FCGR3B: variants seen among roughly 807,000 people sequenced by gnomAD.
FCGR3B encodes the protein low affinity immunoglobulin gamma Fc region receptor III-B.
A neutral mutation model predicts 26.7 loss-of-function variants in FCGR3B; 20 were observed. The observed-to-expected ratio is 0.75, with a 90% CI of 0.53 to 1.09. The LOEUF (loss-of-function observed/expected upper bound fraction) is 1.09. FCGR3B is among the 50% of genes least tolerant of loss of function. FCGR3B has a pLI of 0.00. For missense variants in FCGR3B, 191 were observed against 279.7 expected (o/e 0.68, Z 2.26); for synonymous variants, 79 against 107.0 (o/e 0.74, Z 1.62).
Position 161,629,026 on chromosome 1 carries a change from A to G in FCGR3B, c.319+752T>C, listed in dbSNP as rs1259858338. Among the ~76,000 whole-genome samples the G allele has an allele frequency of 9.2e-5, 11 of 119,284 alleles. 4 individuals carry two copies. The highest frequency in any genetic ancestry group is 2.8e-4 in the African/African-American group (9 of 32,584). 78.3% of individuals were successfully genotyped at this position (119,284 alleles called of 152,430 possible). A position where few individuals can be genotyped will look rare whatever the true frequency, so the allele number is the denominator to read the frequency against. On this transcript the variant is annotated intron_variant, in intron 3 of 4. Coordinates refer to ENST00000650385, the MANE Select transcript of FCGR3B (RefSeq NM_001244753.2). ...ATAGCATTGATGAGGAGACAGAAAG[A>G]TATGATTCTAGGCCACTAGGATTGC...
At chr1:161,631,263 C>A (rs529061019), upstream of FCGR3B, 2 of 1,475,216 alleles carry the variant, frequency 1.4e-6, no homozygotes, top group African/African-American at 2.9e-5. Flanking sequence ...TCTGAAGTCT[C>A]GCAATGGAGC....
Position 161,624,441 on chromosome 1 carries a change from T to A in FCGR3B, c.*74A>T, listed in dbSNP as rs1166429379. ...GCTGCCACTGCTCTTATTACCCCCA[T>A]GGGATGGGGGTCATGTGTCTTGAGG... On this transcript the variant is annotated 3_prime_UTR_variant, in exon 5 of 5. Coordinates refer to ENST00000650385, the MANE Select transcript of FCGR3B (RefSeq NM_001244753.2). 40 of 1,517,982 alleles carry A rather than the reference T, an allele frequency of 2.6e-5. 1 individual carries two copies. The allele number at this position is 1,517,982 out of a possible 1,614,324, so 94.0% of individuals were successfully genotyped here.
Position 161,623,248 on chromosome 1 carries a change from A to G in FCGR3B, c.*1267T>C, listed in dbSNP as rs1170996093. The G allele has an allele frequency of 6.7e-6, 1 of 150,218 alleles. No homozygotes were observed. The highest frequency in any genetic ancestry group is 1.5e-5 in the Non-Finnish European group (1 of 67,690). 9.3% of individuals were successfully genotyped at this position (150,218 alleles called of 1,614,324 possible). A position where few individuals can be genotyped will look rare whatever the true frequency, so the allele number is the denominator to read the frequency against. On this transcript the variant is annotated 3_prime_UTR_variant, in exon 5 of 5. Transcript: ENST00000650385. The stretch of plus-strand genomic sequence containing the variant: ...GTTTTGCCATCTTCTATCTAAGAGT[A>G]GCATGCAAGATCTTGTAAAATGCTT...
rs149686267 is a variant in FCGR3B, at chr1:161,630,319, C to A, written c.61+49G>T. 3 of 1,564,420 alleles carry A rather than the reference C, an allele frequency of 1.9e-6. 1 individual carries two copies. The South Asian group carries it at 3.4e-5, about 18-fold the overall frequency. Reference sequence around the variant, plus strand: ...TTTCCCAATATCTTATGGCCATTGTCCCCATATGTGCCCCACTGGGTCAAT... The same window carrying A: ...TTTCCCAATATCTTATGGCCATTGTACCCATATGTGCCCCACTGGGTCAAT... On this transcript the variant is annotated intron_variant, in intron 2 of 4. Transcript: ENST00000650385.
Position 161,626,164 on chromosome 1 carries a change from C to T in FCGR3B, c.558G>A (p.Val186=). 1 of 1,609,544 alleles carries T rather than the reference C, an allele frequency of 6.2e-7. No homozygotes were observed. Among genetic ancestry groups the T allele is most frequent in the Non-Finnish European group, 8.5e-7 (1 of 1,178,310 alleles). Residue 186 remains valine, a synonymous_variant, in exon 4 of 5, where the codon GTG becomes GTA. Coordinates refer to ENST00000650385, the MANE Select transcript of FCGR3B (RefSeq NM_001244753.2). ...TCTCACCTTGAGTGATGGTGATGTTCACAGTCTCTGAAGACACATTTTTAC... is the reference window on the plus strand; with the variant it reads ...TCTCACCTTGAGTGATGGTGATGTTTACAGTCTCTGAAGACACATTTTTAC... ...VGSKNVSSET[V]NITITQGLAV... is the part of the protein sequence containing the mutation.
chr1:161,630,679 T>G (rs61803023), intron 1 of FCGR3B: 1 of 528,742 alleles, frequency 1.9e-6, no homozygotes, highest in Non-Finnish European at 3.4e-6. Flanking sequence ...TGAACCAAGC[T>G]ACAGAAAGAG....
chr1:161,630,852 C>G (rs1468272871), intron 1 of FCGR3B: 4 of 1,287,008 alleles, frequency 3.1e-6, no homozygotes, highest in Non-Finnish European at 4.1e-6. Flanking sequence ...ACTGGCCTCA[C>G]TCATGACTAT....
rs777657111 is a variant in FCGR3B, at chr1:161,630,344, T to C, written c.61+24A>G. 6.3e-6 allele frequency: 10 copies of C among 1,597,548 alleles called. 1 individual carries two copies. Among genetic ancestry groups the C allele is most frequent in the South Asian group, 2.2e-5 (2 of 89,916 alleles). ...CCCCATATGTGCCCCACTGGGTCAA[T>C]CCAAGACCATGAAGCTGACTCACCA... On this transcript the variant is annotated intron_variant, in intron 2 of 4. Coordinates refer to ENST00000650385, the MANE Select transcript of FCGR3B (RefSeq NM_001244753.2).
chr1:161,623,933 C>G lies in FCGR3B; in HGVS notation c.*582G>C, dbSNP rs1357816171. Reference sequence around the variant, plus strand: ...TCTGGGCTCAGATGGGAACACCTCCCTTAGACTATCCTGGACTACCCTGCT... The same window carrying G: ...TCTGGGCTCAGATGGGAACACCTCCGTTAGACTATCCTGGACTACCCTGCT... On this transcript the variant is annotated 3_prime_UTR_variant, in exon 5 of 5. Transcript: ENST00000650385. The G allele has an allele frequency of 1.3e-5, 2 of 150,290 alleles. No homozygotes were observed. The highest frequency in any genetic ancestry group is 2.5e-5 in the African/African-American group (1 of 39,966). 9.3% of individuals were successfully genotyped at this position (150,290 alleles called of 1,614,324 possible). A position where few individuals can be genotyped will look rare whatever the true frequency, so the allele number is the denominator to read the frequency against.
chr1:161,626,966 T>C (rs1679496257), intron 3 of FCGR3B, among the ~76,000 whole-genome samples: 1 of 149,858 alleles, frequency 6.7e-6, no homozygotes, highest in South Asian at 2.1e-4. Flanking sequence ...GCGGGACTGG[T>C]AGTGCTCAGA....
chr1:161,624,459 T>A lies in FCGR3B; in HGVS notation c.*56A>T, dbSNP rs1231134661. 2 of 1,580,208 alleles carry A rather than the reference T, an allele frequency of 1.3e-6. No individual in the cohort carries two copies. Among genetic ancestry groups the A allele is most frequent in the African/African-American group, 2.8e-5 (2 of 71,790 alleles). ...ACCCCCATGGGATGGGGGTCATGTG[T>A]CTTGAGGGTCCTTTCTCCATTTAAG... On this transcript the variant is annotated 3_prime_UTR_variant, in exon 5 of 5. Transcript: ENST00000650385.
intron 1 of FCGR3B, among the ~76,000 whole-genome samples, 186 bp from the exon 2 acceptor site, chr1:161,630,574 G>A (rs1418871028): frequency 6.2e-5 from 9 of 144,430 alleles, no homozygotes; most frequent in Admixed American, 2.8e-4. Flanking sequence ...TGCCTCTTGC[G>A]CCACTGTCAA....
rs374752953 is a variant in FCGR3B at position 161,624,517 on chromosome 1, A to G, written c.700T>C (p.Ter234ArgextTer21). Residue 234 changes from the stop codon to arginine (R), a stop_lost, in exon 5 of 5, where the codon TGA (stop) becomes CGA (arginine). Coordinates refer to ENST00000650385, the MANE Select transcript of FCGR3B (RefSeq NM_001244753.2). ...TCCTTCCAGTCTCTTGTTGAGCTTC[A>G]AATGTTTGTCTTCACAGAGAAATAT... ...GLYFSVKTNI[*>R] 1.6e-4 allele frequency: 252 copies of G among 1,607,038 alleles called. 16 individuals carry two copies. The highest frequency in any genetic ancestry group is 1.4e-3 in the African/African-American group (106 of 73,204).
chr1:161,630,535 G>A, intron 1 of FCGR3B, 147 bp from the exon 2 acceptor site: 2 of 722,370 alleles, frequency 2.8e-6, no homozygotes, highest in Non-Finnish European at 4.9e-6. Context: ...TGGAAACCTT[G>A]CTACCTGCTC....
In FCGR3B at chr1:161,626,248, G is replaced by T; in HGVS notation, c.474C>A (p.His158Gln). 1 of 1,608,710 alleles carries T rather than the reference G, an allele frequency of 6.2e-7. No homozygotes were observed. The highest frequency in any genetic ancestry group is 2.2e-5 in the East Asian group (1 of 44,766). Residue 158 changes from histidine to glutamine, a missense_variant, in exon 4 of 5, where the codon CAC becomes CAA. By Grantham distance (24) the His-to-Gln change is conservative (BLOSUM62 0). Around this residue, in one of 2 missense-constraint regions of FCGR3B, gnomAD observed 103 missense variants for 114.5 expected, o/e 0.90. Coordinates refer to ENST00000650385, the MANE Select transcript of FCGR3B (RefSeq NM_001244753.2). ...RKYFHHNSDF[H>Q]IPKATLKDSG... ...TATCTTTGAGTGTGGCTTTTGGAAT[G>T]TGGAAGTCAGAATTATGATGAAAAT... is the stretch of plus-strand genomic sequence containing the variant.
chr1:161,627,530 A>C (rs1042646925), intron 3 of FCGR3B, among the ~76,000 whole-genome samples: 18 of 150,714 alleles, frequency 1.2e-4, no homozygotes, highest in South Asian at 6.3e-4. Flanking sequence ...TGATTCTCTA[A>C]CACAAAGATT....
chr1:161,626,299 A>G lies in FCGR3B; in HGVS notation c.423T>C (p.Tyr141=), dbSNP rs1337065347. 2.9e-5 allele frequency: 46 copies of G among 1,608,724 alleles called. 2 individuals carry two copies. The highest frequency in any genetic ancestry group is 3.9e-5 in the Non-Finnish European group (46 of 1,177,806). Residue 141 remains tyrosine, a synonymous_variant, in exon 4 of 5, where the codon TAT becomes TAC. Transcript: ENST00000650385. ...WKNTALHKVT[Y]LQNGKDRKYF... ...ACTTCCTGTCTTTGCCATTCTGTAAATATGTGACCTTATGCAGAGCAGTGT... is the reference window on the plus strand; with the variant it reads ...ACTTCCTGTCTTTGCCATTCTGTAAGTATGTGACCTTATGCAGAGCAGTGT...
rs1392209061 is a variant in FCGR3B, at chr1:161,623,426, C to G, written c.*1089G>C. 8 of 150,358 alleles carry G rather than the reference C, an allele frequency of 5.3e-5. No individual in the cohort carries two copies. Among genetic ancestry groups the G allele is most frequent in the Non-Finnish European group, 1.0e-4 (7 of 67,744 alleles). 9.3% of individuals were successfully genotyped at this position (150,358 alleles called of 1,614,324 possible). ...TTTCACAGCGTAACTCAGTGAAGCTCAGTAGTACATTTAGTATTGGTTATA... is the reference window on the plus strand; with the variant it reads ...TTTCACAGCGTAACTCAGTGAAGCTGAGTAGTACATTTAGTATTGGTTATA... On this transcript the variant is annotated 3_prime_UTR_variant, in exon 5 of 5. Coordinates refer to ENST00000650385, the MANE Select transcript of FCGR3B (RefSeq NM_001244753.2).
In FCGR3B at chr1:161,623,419, T is replaced by G. The variant is rs1368929413; in HGVS notation, c.*1096A>C. ...TTGAAAGTTTCACAGCGTAACTCAGTGAAGCTCAGTAGTACATTTAGTATT... is the reference window on the plus strand; with the variant it reads ...TTGAAAGTTTCACAGCGTAACTCAGGGAAGCTCAGTAGTACATTTAGTATT... On this transcript the variant is annotated 3_prime_UTR_variant, in exon 5 of 5. Transcript: ENST00000650385. 6.6e-6 allele frequency: 1 copy of G among 150,668 alleles called. No homozygotes were observed. The highest frequency in any genetic ancestry group is 6.6e-5 in the Admixed American group (1 of 15,078). The allele number at this position is 150,668 out of a possible 1,614,324, so 9.3% of individuals were successfully genotyped here. A position where few individuals can be genotyped will look rare whatever the true frequency, so the allele number is the denominator to read the frequency against.
Sources: gnomAD v4.1 joint callset for allele counts (sites outside exome capture counted in the v4.1 genomes callset) on GRCh38, gnomAD v4.1.1 for gene constraint, gnomAD v4.1.1 regional missense constraint, MANE v1.5 for transcripts, NCBI Gene and HGNC (gene_info 2026-07-23, HGNC 2026-07-21) for gene names.